GKN1: variants seen among roughly 807,000 people sequenced by gnomAD.
The protein encoded by GKN1 is gastrokine 1.
In GKN1, 17 loss-of-function variants were observed where a neutral mutation model predicts 19.7. The observed-to-expected ratio is 0.86, with a 90% CI of 0.59 to 1.29. The LOEUF is 1.29. Among genes scored for constraint, GKN1 ranks in the 50% most tolerant of loss-of-function variants. The pLI, the probability that GKN1 is intolerant of heterozygous loss-of-function variation, is 0.00. For synonymous variants in GKN1, 96 were observed against 78.3 expected (o/e 1.23, Z -1.20); for missense variants, 218 against 224.5 (o/e 0.97, Z 0.19).
At chr2:68,976,787 T>G (rs984744682) in intron 1 of GKN1, among the ~76,000 whole-genome samples, 1 of 152,168 alleles carries the variant, frequency 6.6e-6, no homozygotes, top group Non-Finnish European at 1.5e-5. Flanking sequence ...TGAAGATTTA[T>G]AAAGCATTTT....
At position 68,978,942 on chromosome 2, in the gene GKN1, C is replaced by T; in HGVS notation, c.276C>T (p.Pro92=). 1 of 1,607,210 alleles carries T rather than the reference C, an allele frequency of 6.2e-7. No homozygotes were observed. Among genetic ancestry groups the T allele is most frequent in the East Asian group, 2.2e-5 (1 of 44,830 alleles). Residue 92 remains proline, a synonymous_variant, in exon 4 of 6, where the codon CCC becomes CCT. Coordinates refer to ENST00000377938, the MANE Select transcript of GKN1 (RefSeq NM_019617.4). ...ACAAAATGAACAAGGAAGTCATGCC[C>T]TCCATTCAATCCCTTGATGCACTGG... ...IVHKMNKEVM[P]SIQSLDALVK... is the part of the protein sequence containing the mutation.
At position 68,980,820 on chromosome 2, in the gene GKN1, C is replaced by A; in HGVS notation, c.555C>A (p.Asn185Lys). 3 of 1,488,358 alleles carry A rather than the reference C, an allele frequency of 2.0e-6. No homozygotes were observed. Among genetic ancestry groups the A allele is most frequent in the Non-Finnish European group, 2.8e-6 (3 of 1,065,264 alleles). 92.2% of individuals were successfully genotyped at this position (1,488,358 alleles called of 1,614,324 possible). A position where few individuals can be genotyped will look rare whatever the true frequency, so the allele number is the denominator to read the frequency against. ...DISFCGDTVE[N>K] ...CCTTCTGTGGAGACACGGTGGAGAA[C>A]TAAACAATTTTTTAAAGCCACTATG... Residue 185 changes from asparagine to lysine, a missense_variant, in exon 6 of 6, where the codon AAC (asparagine) becomes AAA (lysine). By Grantham distance (94) the Asn-to-Lys change is moderately conservative. Coordinates refer to ENST00000377938, the MANE Select transcript of GKN1 (RefSeq NM_019617.4).
chr2:68,979,999 C>T lies in GKN1; in HGVS notation c.402C>T (p.Phe134=), dbSNP rs202096982. ...ACAAAGTCGATGACCTGAGCAAGTTCGGAAAAAACATTGCAAACATGTGTC... is the reference window on the plus strand; with the variant it reads ...ACAAAGTCGATGACCTGAGCAAGTTTGGAAAAAACATTGCAAACATGTGTC... The part of the protein sequence containing the change: ...NPNKVDDLSK[F]GKNIANMCRG... The change falls in exon 5 of 6, where the codon TTC becomes TTT. Residue 134 remains phenylalanine (F), a synonymous_variant. Transcript: ENST00000377938. The T allele has an allele frequency of 4.1e-5, 66 of 1,613,756 alleles. No individual in the cohort carries two copies. Among genetic ancestry groups the T allele is most frequent in the Middle Eastern group, 1.6e-4 (1 of 6,062 alleles).
At chr2:68,975,085 T>G (rs1670236233) in intron 1 of GKN1, among the ~76,000 whole-genome samples, 1 of 152,156 alleles carries the variant, frequency 6.6e-6, no homozygotes, top group African/African-American at 2.4e-5. Context: ...TAGACAGCTG[T>G]CTGAGCACCT....
Position 68,974,709 on chromosome 2 carries a change from T to C in GKN1, c.12+20T>C, listed in dbSNP as rs1390196890. On this transcript the variant is annotated intron_variant, in intron 1 of 5. Coordinates refer to ENST00000377938, the MANE Select transcript of GKN1 (RefSeq NM_019617.4). ...TTCACAGTGAGTAGATTTTTCCTTTTGAATTTACCACCAAATGATTGGAGA... is the reference window on the plus strand; with the variant it reads ...TTCACAGTGAGTAGATTTTTCCTTTCGAATTTACCACCAAATGATTGGAGA... 2 of 1,471,576 alleles carry C rather than the reference T, an allele frequency of 1.4e-6. No homozygotes were observed. The highest frequency in any genetic ancestry group is 2.3e-5 in the South Asian group (2 of 88,160). 91.2% of individuals were successfully genotyped at this position (1,471,576 alleles called of 1,614,324 possible).
chr2:68,978,982 G>C lies in GKN1; in HGVS notation c.315+1G>C. 1 of 1,515,992 alleles carries C rather than the reference G, an allele frequency of 6.6e-7. No individual in the cohort carries two copies. 93.9% of individuals were successfully genotyped at this position (1,515,992 alleles called of 1,614,324 possible). ...TGATGCACTGGTCAAGGAAAAGAAGGTAAAAATAAAAGGCTTTTTATTTTT... is the reference window on the plus strand; with the variant it reads ...TGATGCACTGGTCAAGGAAAAGAAGCTAAAAATAAAAGGCTTTTTATTTTT... On this transcript the variant is annotated splice_donor_variant, in intron 4 of 5. Coordinates refer to ENST00000377938, the MANE Select transcript of GKN1 (RefSeq NM_019617.4). LOFTEE classifies it high-confidence loss of function.
intron 3 of GKN1, among the ~76,000 whole-genome samples, chr2:68,978,494 T>C (rs1670311216): frequency 1.3e-5 from 2 of 152,164 alleles, no homozygotes; most frequent in East Asian, 1.9e-4. Flanking sequence ...ATTGTTTCAA[T>C]TTTATCTGGT....
chr2:68,980,048 G>A lies in GKN1; in HGVS notation c.451G>A (p.Glu151Lys), dbSNP rs1431244888. 3 of 1,613,810 alleles carry A rather than the reference G, an allele frequency of 1.9e-6. No homozygotes were observed. The highest frequency in any genetic ancestry group is 1.7e-6 in the Non-Finnish European group (2 of 1,179,822). The change falls in exon 5 of 6, where the codon GAG becomes AAG. Residue 151 changes from glutamate (E) to lysine (K), a missense_variant. By Grantham distance (56) the Glu-to-Lys change is moderately conservative. Coordinates refer to ENST00000377938, the MANE Select transcript of GKN1 (RefSeq NM_019617.4). The stretch of plus-strand genomic sequence containing the variant: ...TCGTGGGATTCCAACATACATGGCT[G>A]AGGAGATGCAAGGTGAGTAGCATCC... Reference protein sequence around the residue: ...MCRGIPTYMAEEMQEASLFFY... With the variant: ...MCRGIPTYMAKEMQEASLFFY...
intron 1 of GKN1, 59 bp downstream of exon 1, chr2:68,974,748 G>A (rs2103919085): frequency 9.0e-7 from 1 of 1,105,964 alleles, no homozygotes; most frequent in South Asian, 1.2e-5. Context: ...TCAATATTCT[G>A]AGATTTAGGA....
chr2:68,976,052 C>A (rs1670258288), intron 1 of GKN1, among the ~76,000 whole-genome samples: 1 of 152,102 alleles, frequency 6.6e-6, no homozygotes, highest in Non-Finnish European at 1.5e-5. Context: ...TGGGACACTG[C>A]TAGTGACATC....
intron 1 of GKN1, among the ~76,000 whole-genome samples, chr2:68,974,980 T>G (rs1160615668): frequency 2.7e-5 from 4 of 148,176 alleles, no homozygotes; most frequent in Non-Finnish European, 4.5e-5. Context: ...TCCCTTTTTT[T>G]TAGAAGAAGA....
chr2:68,980,578 G>T (rs773271383), intron 5 of GKN1, 151 bp from the exon 6 acceptor site: 18 of 586,524 alleles, frequency 3.1e-5, no homozygotes, highest in Non-Finnish European at 5.2e-5. Context: ...CAATTTTCCA[G>T]ATCTCTGAAT....
chr2:68,980,018 ATG>A lies in GKN1; in HGVS notation c.425_426del (p.Cys142SerfsTer9), dbSNP rs771134878. On this transcript the variant is annotated frameshift_variant, in exon 5 of 6. Coordinates refer to ENST00000377938, the MANE Select transcript of GKN1 (RefSeq NM_019617.4). LOFTEE classifies it low-confidence loss of function (END_TRUNC). ...CAAGTTCGGAAAAAACATTGCAAAC[ATG>A]TGTCGTGGGATTCCAACATACATGG... ...LSKFGKNIAN[M>X]CRGIPTYMAE... 4 of 1,613,904 alleles carry A rather than the reference ATG, an allele frequency of 2.5e-6. No individual in the cohort carries two copies. Among genetic ancestry groups the A allele is most frequent in the Non-Finnish European group, 2.5e-6 (3 of 1,179,808 alleles).
chr2:68,979,907 A>G lies in GKN1; in HGVS notation c.316-6A>G, dbSNP rs750862799. On this transcript the variant is annotated splice_region_variant and splice_polypyrimidine_tract_variant and intron_variant, in intron 4 of 5. Transcript: ENST00000377938. ...CTTCCTTTCTACCTCTCTTTTCCAC[A>G]CTCAGCTTCAGGGTAAGGGACCAGG... is the stretch of plus-strand genomic sequence containing the variant. 3.1e-6 allele frequency: 5 copies of G among 1,612,264 alleles called. No homozygotes were observed. The highest frequency in any genetic ancestry group is 2.2e-5 in the South Asian group (2 of 91,016).
intron 1 of GKN1, among the ~76,000 whole-genome samples, chr2:68,977,010 T>A (rs190678490): frequency 1.5e-3 from 229 of 152,312 alleles, no homozygotes; most frequent in African/African-American, 5.3e-3. Flanking sequence ...AACTCTATTC[T>A]GACATTTCCA....
At chr2:68,980,650 C>T in intron 5 of GKN1, 79 bp from the exon 6 acceptor site, 1 of 753,658 alleles carries the variant, frequency 1.3e-6, no homozygotes, top group Non-Finnish European at 2.4e-6. Flanking sequence ...AGTTTGGAAA[C>T]CCCTACTCCC....
In GKN1 at chr2:68,977,510, C is replaced by T. The variant is rs748218048; in HGVS notation, c.28C>T (p.Leu10Phe). The T allele has an allele frequency of 6.2e-6, 10 of 1,609,848 alleles. No individual in the cohort carries two copies. The highest frequency in any genetic ancestry group is 8.5e-6 in the Non-Finnish European group (10 of 1,176,480). Reference protein sequence around the residue: MKFTIVFAGLLGVFLAPALA... With the variant: MKFTIVFAGFLGVFLAPALA... ...GTGATTTCAGATTGTCTTTGCTGGA[C>T]TTCTTGGAGTCTTTCTAGCTCCTGC... The change falls in exon 2 of 6, where the codon CTT (leucine) becomes TTT (phenylalanine). Residue 10 changes from leucine (L) to phenylalanine (F), a missense_variant. By Grantham distance (22) the Leu-to-Phe change is conservative. Coordinates refer to ENST00000377938, the MANE Select transcript of GKN1 (RefSeq NM_019617.4).
chr2:68,978,294 A>AAGAAAGAAAGAG (rs766730731), intron 3 of GKN1, among the ~76,000 whole-genome samples: 3 of 121,660 alleles, frequency 2.5e-5, no homozygotes, highest in East Asian at 3.5e-4. Flanking sequence ...GAAAGAAAGA[A>AAGAAAGAAAGAG]AGAGAGAGAA....
Position 68,980,759 on chromosome 2 carries a change from G to C in GKN1, c.494G>C (p.Cys165Ser). The C allele has an allele frequency of 6.3e-7, 1 of 1,593,380 alleles. No individual in the cohort carries two copies. The highest frequency in any genetic ancestry group is 8.6e-7 in the Non-Finnish European group (1 of 1,161,280). The change falls in exon 6 of 6, where the codon TGC becomes TCC. Residue 165 changes from cysteine to serine, a missense_variant. Cys to Ser is a moderately radical substitution (Grantham distance 112). Transcript: ENST00000377938. ...AGCCTGTTTTTTTACTCAGGAACGT[G>C]CTACACGACCAGTGTACTATGGATT... ...EASLFFYSGTCYTTSVLWIVD... is the reference protein window; with the variant it reads ...EASLFFYSGTSYTTSVLWIVD...
Sources: gnomAD v4.1 joint callset for allele counts (sites outside exome capture counted in the v4.1 genomes callset) on GRCh38, gnomAD v4.1.1 for gene constraint, MANE v1.5 for transcripts, NCBI Gene and HGNC (gene_info 2026-07-23, HGNC 2026-07-21) for gene names.